DLGAP1: variants seen among roughly 807,000 people sequenced by gnomAD.
DLGAP1 encodes the protein DLG associated protein 1, also known as disks large-associated protein 1.
A neutral mutation model predicts 90.8 loss-of-function variants in DLGAP1; 11 were observed. That is an observed-to-expected ratio of 0.12 (90% CI 0.08 to 0.20). The LOEUF is 0.20. Ranked by LOEUF, DLGAP1 falls within the 10% of genes least tolerant of loss-of-function variation. The pLI is 1.00. For missense variants in DLGAP1, 1,050 were observed against 1,333.8 expected (o/e 0.79, Z 3.31); for synonymous variants, 558 against 540.7 (o/e 1.03, Z -0.44).
intron 7 of DLGAP1, among the ~76,000 whole-genome samples, chr18:3,687,907 GTTT>G (rs34437512): frequency 1.5e-5 from 2 of 133,208 alleles, no homozygotes; most frequent in Non-Finnish European, 1.6e-5. Context: ...CTCAGAGACT[GTTT>G]TTTTTTTTTT....
In DLGAP1 at chr18:4,413,013, A is replaced by G. The variant is rs2082813227; in HGVS notation, c.-267+41993T>C. On this transcript the variant is annotated intron_variant, in intron 1 of 12. Transcript: ENST00000315677. ...TATTCACAAGGAGGCAGGGAAGGAC[A>G]TGTCTGGCATCAGGGAATTCACTGG... Among the ~76,000 whole-genome samples the G allele has an allele frequency of 5.9e-5, 9 of 152,188 alleles. No individual in the cohort carries two copies. The South Asian group carries it at 1.4e-3, about 24-fold the overall frequency.
intron 1 of DLGAP1, among the ~76,000 whole-genome samples, chr18:4,298,256 T>C (rs1370904584): frequency 6.6e-6 from 1 of 152,114 alleles, no homozygotes; most frequent in East Asian, 1.9e-4. Flanking sequence ...TCAATCTGTG[T>C]TTGCTTGAAA....
At chr18:4,277,865 AT>A (rs2079450901) in intron 1 of DLGAP1, among the ~76,000 whole-genome samples, 1 of 152,142 alleles carries the variant, frequency 6.6e-6, no homozygotes, top group African/African-American at 2.4e-5. Flanking sequence ...TCTTCATGGA[AT>A]TTCAGCCCTT....
intron 7 of DLGAP1, among the ~76,000 whole-genome samples, chr18:3,609,971 T>C (rs1432853785): frequency 6.6e-6 from 1 of 151,566 alleles, no homozygotes; most frequent in Non-Finnish European, 1.5e-5. Context: ...GGCAGGAGAA[T>C]TGCTTGAACC....
At chr18:3,984,751 C>G (rs758265512) in intron 3 of DLGAP1, among the ~76,000 whole-genome samples, 4 of 152,018 alleles carry the variant, frequency 2.6e-5, no homozygotes, top group Admixed American at 1.3e-4. Context: ...TGCCCCTAGT[C>G]CTACCTTGTT....
At chr18:4,241,647 C>A (rs535374159) in intron 1 of DLGAP1, among the ~76,000 whole-genome samples, 1 of 152,262 alleles carries the variant, frequency 6.6e-6, no homozygotes, top group South Asian at 2.1e-4. Context: ...AATAGAAATG[C>A]AAAATCCAAC....
At chr18:4,165,965 C>G (rs1040503571) in intron 1 of DLGAP1, among the ~76,000 whole-genome samples, 2 of 151,980 alleles carry the variant, frequency 1.3e-5, no homozygotes, top group Non-Finnish European at 2.9e-5. Context: ...AAGACCAGCC[C>G]TGAACAATGT....
intron 4 of DLGAP1, among the ~76,000 whole-genome samples, chr18:3,827,163 T>A (rs1233062507): frequency 6.6e-6 from 1 of 152,098 alleles, no homozygotes; most frequent in African/African-American, 2.4e-5. Context: ...GACTGGGGCT[T>A]CAGGGTGGCT....
intron 11 of DLGAP1, among the ~76,000 whole-genome samples, chr18:3,505,563 G>A (rs1195091075): frequency 2.0e-5 from 3 of 148,408 alleles, no homozygotes; most frequent in Non-Finnish European, 3.0e-5. Flanking sequence ...GCTTGAACCC[G>A]TGAGGCAGAG....
chr18:3,546,233 G>A (rs1426595352), intron 9 of DLGAP1, among the ~76,000 whole-genome samples: 5 of 152,028 alleles, frequency 3.3e-5, no homozygotes, highest in African/African-American at 1.2e-4. Context: ...GACCAGTCTG[G>A]GCAACATGGT....
At chr18:4,000,256 A>G (rs2074155538) in intron 3 of DLGAP1, among the ~76,000 whole-genome samples, 2 of 152,326 alleles carry the variant, frequency 1.3e-5, no homozygotes, top group South Asian at 2.1e-4. Context: ...TATGAATAAA[A>G]TTGAAATTAG....
intron 8 of DLGAP1, among the ~76,000 whole-genome samples, chr18:3,578,332 G>A (rs2055276335): frequency 6.6e-6 from 1 of 151,980 alleles, no homozygotes; most frequent in East Asian, 1.9e-4. Context: ...TCTGTATAAC[G>A]AAATTCAATG....
At position 3,742,980 on chromosome 18, in the gene DLGAP1, T is replaced by A. The variant is rs912322179; in HGVS notation, c.1173-468A>T. ...TTCCTTCCTTCCTTCCTTCCTTCCTTCCTTCCTTCCTTCCATCTTTAACTC... is the reference window on the plus strand; with the variant it reads ...TTCCTTCCTTCCTTCCTTCCTTCCTACCTTCCTTCCTTCCATCTTTAACTC... On this transcript the variant is annotated intron_variant, in intron 5 of 12. Coordinates refer to ENST00000315677, the MANE Select transcript of DLGAP1 (RefSeq NM_004746.4). 4.0e-5 allele frequency among the ~76,000 whole-genome samples: 6 copies of A among 151,772 alleles called. No individual in the cohort carries two copies. The East Asian group carries it at 1.2e-3, about 29-fold the overall frequency.
In DLGAP1 at chr18:4,105,933, G is replaced by A. The variant is rs1447056968; in HGVS notation, c.-159+45247C>T. ...TGTAGTCCCAGCTACTCGGGAGGCC[G>A]AGGCAGGAGAATGGCGTGAACCCGG... On this transcript the variant is annotated intron_variant, in intron 2 of 12. Coordinates refer to ENST00000315677, the MANE Select transcript of DLGAP1 (RefSeq NM_004746.4). 2.7e-5 allele frequency among the ~76,000 whole-genome samples: 4 copies of A among 150,868 alleles called. No homozygotes were observed. The Admixed American group carries it at 2.7e-4, about 10-fold the overall frequency.
At chr18:4,297,210 G>C (rs556866374) in intron 1 of DLGAP1, among the ~76,000 whole-genome samples, 1 of 152,214 alleles carries the variant, frequency 6.6e-6, no homozygotes, top group Admixed American at 6.5e-5. Context: ...ATTTAGGTAA[G>C]GATTAGCATC....
At chr18:3,706,462 T>C (rs2061435596) in intron 7 of DLGAP1, among the ~76,000 whole-genome samples, 1 of 152,152 alleles carries the variant, frequency 6.6e-6, no homozygotes, top group Admixed American at 6.5e-5. Flanking sequence ...ACTCCTTCCC[T>C]TCAGCCTTCC....
intron 1 of DLGAP1, among the ~76,000 whole-genome samples, chr18:4,394,913 C>T (rs1416230250): frequency 2.6e-5 from 4 of 152,162 alleles, no homozygotes; most frequent in Non-Finnish European, 5.9e-5. Context: ...CTCAGGAATA[C>T]CTTCATTCGG....
intron 8 of DLGAP1, chr18:3,580,036 G>A: frequency 1.5e-6 from 1 of 646,990 alleles, no homozygotes; most frequent in Non-Finnish European, 2.7e-6. Context: ...ATAGAAATGT[G>A]CGTTAGGAAT....
intron 6 of DLGAP1, among the ~76,000 whole-genome samples, chr18:3,736,462 T>A (rs1036645975): frequency 6.6e-6 from 1 of 152,220 alleles, no homozygotes; most frequent in African/African-American, 2.4e-5. Flanking sequence ...CTCCTTGGTG[T>A]ACTCAACTTT....
Sources: gnomAD v4.1 joint callset for allele counts (sites outside exome capture counted in the v4.1 genomes callset) on GRCh38, gnomAD v4.1.1 for gene constraint, MANE v1.5 for transcripts, NCBI Gene and HGNC (gene_info 2026-07-23, HGNC 2026-07-21) for gene names.